The following CEP112 variants were observed in gnomAD, a reference collection of about 807,000 sequenced individuals.
The protein encoded by CEP112 is centrosomal protein 112.
In CEP112, 127 loss-of-function variants were observed where a neutral mutation model predicts 153.0. The observed-to-expected ratio is 0.83, with a 90% CI of 0.72 to 0.96. The LOEUF is 0.96. Among genes scored for constraint, CEP112 ranks in the 40% least tolerant of loss-of-function variants. The probability of loss-of-function intolerance (pLI) is 0.00; values close to 1 mark genes in which losing one functional copy is unlikely to be tolerated. For synonymous variants in CEP112, 358 were observed against 374.4 expected (o/e 0.96, Z 0.51); for missense variants, 1,089 against 1,101.2 (o/e 0.99, Z 0.16).
At chr17:65,657,422 G>A (rs1351161979) in intron 24 of CEP112, among the ~76,000 whole-genome samples, 1 of 152,216 alleles carries the variant, frequency 6.6e-6, no homozygotes, top group Non-Finnish European at 1.5e-5. Flanking sequence ...GATGAGAAAG[G>A]CTGAATGTGG....
intron 2 of CEP112, among the ~76,000 whole-genome samples, chr17:66,179,850 G>C (rs1232323890): frequency 6.6e-6 from 1 of 152,082 alleles, no homozygotes; most frequent in Admixed American, 6.5e-5. Context: ...TTATTATGTT[G>C]AGGACTGTTA....
chr17:65,934,956 A>T (rs6504376), intron 18 of CEP112, among the ~76,000 whole-genome samples: 72,799 of 151,978 alleles, frequency 0.48, 18,434 homozygotes, highest in East Asian at 0.89. Flanking sequence ...AAGCAAGGGA[A>T]ATGCCAGATG....
At chr17:65,654,748 C>T (rs1226734168) in intron 24 of CEP112, among the ~76,000 whole-genome samples, 1 of 152,162 alleles carries the variant, frequency 6.6e-6, no homozygotes. Flanking sequence ...GTAAGTCTGC[C>T]TCTAAGGATT....
chr17:66,110,942 G>A (rs970650653), intron 6 of CEP112, among the ~76,000 whole-genome samples: 2 of 152,112 alleles, frequency 1.3e-5, no homozygotes, highest in African/African-American at 4.8e-5. Flanking sequence ...CCTACAGAAT[G>A]GGAGAAAATG....
intron 1 of CEP112, among the ~76,000 whole-genome samples, chr17:66,185,617 A>C (rs1483240580): frequency 6.6e-6 from 1 of 152,240 alleles, no homozygotes; most frequent in Non-Finnish European, 1.5e-5. Context: ...AAAGGGGGTG[A>C]ATCCCAAAAA....
At chr17:65,938,140 A>T (rs2061407835) in intron 18 of CEP112, among the ~76,000 whole-genome samples, 1 of 127,086 alleles carries the variant, frequency 7.9e-6, no homozygotes, top group African/African-American at 2.8e-5. Flanking sequence ...GCTCTCTGAA[A>T]CATGTGCTGT....
intron 4 of CEP112, among the ~76,000 whole-genome samples, chr17:66,158,541 G>T (rs2071548805): frequency 6.6e-6 from 1 of 152,114 alleles, no homozygotes; most frequent in South Asian, 2.1e-4. Flanking sequence ...GAACCCAGGA[G>T]GTGGAGCTTG....
At chr17:65,827,865 C>G (rs77556519) in intron 21 of CEP112, among the ~76,000 whole-genome samples, 1 of 152,172 alleles carries the variant, frequency 6.6e-6, no homozygotes, top group Non-Finnish European at 1.5e-5. Flanking sequence ...ATGCCTCACT[C>G]GACTCCTTCA....
At chr17:66,044,563 A>G (rs540103778) in intron 12 of CEP112, among the ~76,000 whole-genome samples, 1 of 152,310 alleles carries the variant, frequency 6.6e-6, no homozygotes, top group South Asian at 2.1e-4. Context: ...CACAAGCCAC[A>G]ACATGAATGG....
chr17:65,799,606 C>A (rs529646927), intron 21 of CEP112, among the ~76,000 whole-genome samples: 5 of 152,198 alleles, frequency 3.3e-5, no homozygotes, highest in Non-Finnish European at 7.3e-5. Flanking sequence ...TGGCAATAGT[C>A]AAAGAGCACT....
At chr17:65,755,401 C>T (rs998285939) in intron 21 of CEP112, among the ~76,000 whole-genome samples, 4 of 152,140 alleles carry the variant, frequency 2.6e-5, no homozygotes, top group Admixed American at 2.6e-4. Context: ...ATGATCCAAC[C>T]ACTTCCCACC....
chr17:65,933,459 A>T (rs2144294985), intron 18 of CEP112, among the ~76,000 whole-genome samples: 1 of 152,342 alleles, frequency 6.6e-6, no homozygotes, highest in South Asian at 2.1e-4. Context: ...ATCACATACA[A>T]GGGAGTTGTA....
chr17:65,705,490 C>A (rs1598359419), intron 23 of CEP112, among the ~76,000 whole-genome samples: 1 of 152,154 alleles, frequency 6.6e-6, no homozygotes, highest in African/African-American at 2.4e-5. Flanking sequence ...CCTTTTACGG[C>A]ACTTACATTA....
intron 12 of CEP112, among the ~76,000 whole-genome samples, chr17:66,038,357 TTTG>T (rs2065831755): frequency 6.6e-6 from 1 of 152,172 alleles, no homozygotes; most frequent in African/African-American, 2.4e-5. Flanking sequence ...TCATTTTATT[TTTG>T]ATTTTTAAAG....
At chr17:66,005,877 T>C in intron 16 of CEP112, 108 bp from the exon 17 acceptor site, 2 of 925,976 alleles carry the variant, frequency 2.2e-6, no homozygotes, top group Admixed American at 6.5e-5. Context: ...TAATATAAAA[T>C]TAGATTTAGA....
chr17:65,945,425 C>A (rs2061620219), intron 18 of CEP112, among the ~76,000 whole-genome samples: 1 of 152,158 alleles, frequency 6.6e-6, no homozygotes, highest in South Asian at 2.1e-4. Flanking sequence ...GAGAATAAGG[C>A]ACGCATATAT....
At chr17:66,155,711 G>A (rs1403701530) in intron 4 of CEP112, among the ~76,000 whole-genome samples, 2 of 152,156 alleles carry the variant, frequency 1.3e-5, no homozygotes, top group Non-Finnish European at 2.9e-5. Flanking sequence ...CTTGGTTGGG[G>A]GAGAGGCATC....
At chr17:65,817,554 G>T (rs774606705) in intron 21 of CEP112, among the ~76,000 whole-genome samples, 5 of 151,710 alleles carry the variant, frequency 3.3e-5, no homozygotes, top group African/African-American at 4.8e-5. Context: ...TTCAAAAACT[G>T]TCCTATTTAT....
chr17:65,805,107 C>G (rs1249303840), intron 21 of CEP112, among the ~76,000 whole-genome samples: 1 of 152,054 alleles, frequency 6.6e-6, no homozygotes, highest in African/African-American at 2.4e-5. Flanking sequence ...CTTTGGCTCC[C>G]AAAGTGCTGA....
Sources: allele counts gnomAD v4.1 joint callset (sites outside exome capture counted in the v4.1 genomes callset), GRCh38; gene constraint gnomAD v4.1.1; transcripts MANE v1.5; gene names NCBI Gene and HGNC (gene_info 2026-07-23, HGNC 2026-07-21).